LRRC4C: variants seen among roughly 807,000 people sequenced by gnomAD.
The protein encoded by LRRC4C is leucine-rich repeat-containing protein 4C.
In LRRC4C, 5 loss-of-function variants were observed where a neutral mutation model predicts 33.6. The observed-to-expected ratio is 0.15, with a 90% CI of 0.08 to 0.31. The LOEUF is 0.31. Ranked by LOEUF, LRRC4C falls within the 10% of genes least tolerant of loss-of-function variation. LRRC4C has a pLI of 1.00. For missense variants in LRRC4C, 560 were observed against 796.7 expected, an observed-to-expected ratio of 0.70 and a Z score of 3.58; for synonymous variants, 329 against 302.0, an observed-to-expected ratio of 1.09 and a Z score of -0.93.
intron 2 of LRRC4C, among the ~76,000 whole-genome samples, chr11:40,773,497 C>G (rs1301853651): frequency 1.3e-5 from 2 of 151,298 alleles, no homozygotes; most frequent in Admixed American, 6.6e-5. Context: ...ACTATGTACC[C>G]ATAAAATTAA....
chr11:40,268,641 G>A lies in LRRC4C; in HGVS notation c.-175-27043C>T, dbSNP rs185151499. Among the ~76,000 whole-genome samples the A allele has an allele frequency of 5.7e-3, 866 of 151,794 alleles. 5 individuals are homozygous for A. Among genetic ancestry groups the A allele is most frequent in the African/African-American group, 0.02 (812 of 41,356 alleles). Reference sequence around the variant, plus strand: ...ATTAGAATTTGTATAACATCAAACCGTAGCACTGGTAAAAAAAAAATCAGC... The same window carrying A: ...ATTAGAATTTGTATAACATCAAACCATAGCACTGGTAAAAAAAAAATCAGC... On this transcript the variant is annotated intron_variant, in intron 4 of 6. Coordinates refer to ENST00000528697, the MANE Select transcript of LRRC4C (RefSeq NM_001258419.2).
chr11:40,199,246 G>T (rs887461908), intron 5 of LRRC4C, among the ~76,000 whole-genome samples: 1 of 151,874 alleles, frequency 6.6e-6, no homozygotes, highest in Non-Finnish European at 1.5e-5. Flanking sequence ...GATTTTTGTA[G>T]TTTTTGTAGA....
At chr11:40,427,230 A>G (rs1393612772) in intron 3 of LRRC4C, among the ~76,000 whole-genome samples, 2 of 152,144 alleles carry the variant, frequency 1.3e-5, no homozygotes, top group African/African-American at 4.8e-5. Context: ...AGGACCGGGC[A>G]TGGTGGCTCA....
At chr11:41,333,729 C>A (rs929628033) in intron 1 of LRRC4C, among the ~76,000 whole-genome samples, 4 of 152,134 alleles carry the variant, frequency 2.6e-5, no homozygotes, top group African/African-American at 9.7e-5. Flanking sequence ...GTAGTAAAAT[C>A]TGGCTATTTT....
intron 4 of LRRC4C, among the ~76,000 whole-genome samples, chr11:40,313,634 G>A (rs1234013379): frequency 8.6e-6 from 1 of 115,886 alleles, no homozygotes; most frequent in African/African-American, 3.4e-5. Flanking sequence ...TTGAGATGGA[G>A]TCTCGCTCTA....
chr11:40,681,790 T>C (rs1269434057), intron 2 of LRRC4C, among the ~76,000 whole-genome samples: 2 of 152,104 alleles, frequency 1.3e-5, no homozygotes, highest in African/African-American at 4.8e-5. Context: ...TTAACAGCAT[T>C]TGCAATGACC....
intron 2 of LRRC4C, among the ~76,000 whole-genome samples, chr11:40,754,832 G>A (rs1948868708): frequency 6.6e-6 from 1 of 151,960 alleles, no homozygotes; most frequent in South Asian, 2.1e-4. Context: ...AAGATCAGCT[G>A]TTGAATTTTA....
chr11:41,433,001 T>C (rs117401149), intron 1 of LRRC4C, among the ~76,000 whole-genome samples: 5 of 152,282 alleles, frequency 3.3e-5, no homozygotes, highest in South Asian at 2.1e-4. Flanking sequence ...CAAAGGTGTT[T>C]GGGCTATGGC....
At chr11:40,921,189 C>G (rs1021292500) in intron 2 of LRRC4C, among the ~76,000 whole-genome samples, 1 of 152,110 alleles carries the variant, frequency 6.6e-6, no homozygotes, top group Non-Finnish European at 1.5e-5. Flanking sequence ...TCCCAAAGTG[C>G]TGGGATTACA....
At chr11:40,668,078 T>G (rs1395758241) in intron 2 of LRRC4C, among the ~76,000 whole-genome samples, 1 of 152,146 alleles carries the variant, frequency 6.6e-6, no homozygotes, top group African/African-American at 2.4e-5. Context: ...AATTGAATAA[T>G]CAGAATTTGG....
At chr11:41,159,911 C>T (rs1304989207) in intron 1 of LRRC4C, among the ~76,000 whole-genome samples, 1 of 151,958 alleles carries the variant, frequency 6.6e-6, no homozygotes, top group Non-Finnish European at 1.5e-5. Context: ...ATTATAGAGT[C>T]ATTAAAAAGA....
intron 1 of LRRC4C, among the ~76,000 whole-genome samples, chr11:41,214,786 T>A (rs993380424): frequency 6.9e-6 from 1 of 144,346 alleles, no homozygotes; most frequent in Admixed American, 7.0e-5. Flanking sequence ...CACACATATA[T>A]ATATGTGTGT....
Position 41,348,436 on chromosome 11 carries a change from A to AT in LRRC4C, c.-496+110994dup, listed in dbSNP as rs143660867. On this transcript the variant is annotated intron_variant, in intron 1 of 6. Transcript: ENST00000528697. ...AATAGAGTTGTGCTGTCTACCAGAG[A>AT]TTTAATATAATCCTGCTTTTTCAAC... Among the ~76,000 whole-genome samples, 50 of 152,248 alleles carry AT rather than the reference A, an allele frequency of 3.3e-4. No homozygotes were observed. In the East Asian group the frequency reaches 9.3e-3, roughly 28 times the overall value.
chr11:41,448,303 G>GTT (rs1564958704), intron 1 of LRRC4C, among the ~76,000 whole-genome samples: 3 of 131,436 alleles, frequency 2.3e-5, no homozygotes, highest in African/African-American at 8.5e-5. Flanking sequence ...TTTACATAGA[G>GTT]CTTTTTTTTT....
intron 5 of LRRC4C, among the ~76,000 whole-genome samples, chr11:40,236,347 T>G (rs1400644183): frequency 6.6e-6 from 1 of 152,170 alleles, no homozygotes; most frequent in Non-Finnish European, 1.5e-5. Context: ...TAACTACTCC[T>G]CTGTAATTAT....
intron 4 of LRRC4C, among the ~76,000 whole-genome samples, chr11:40,274,645 A>C (rs560327407): frequency 4.6e-5 from 7 of 152,256 alleles, no homozygotes; most frequent in Admixed American, 2.0e-4. Context: ...TCTCTTCGGC[A>C]AAGACAGTCC....
chr11:40,850,690 G>C (rs1004069517), intron 2 of LRRC4C, among the ~76,000 whole-genome samples: 1 of 152,222 alleles, frequency 6.6e-6, no homozygotes. Flanking sequence ...TTCAGAGCTG[G>C]CAGGCAGGAA....
intron 3 of LRRC4C, among the ~76,000 whole-genome samples, chr11:40,622,335 T>C (rs1447674709): frequency 6.8e-6 from 1 of 147,350 alleles, no homozygotes; most frequent in Non-Finnish European, 1.5e-5. Flanking sequence ...GGATGTGAAC[T>C]TAAAGCATAG....
chr11:41,094,621 T>C (rs1237718685), intron 1 of LRRC4C, among the ~76,000 whole-genome samples: 1 of 152,192 alleles, frequency 6.6e-6, no homozygotes, highest in Non-Finnish European at 1.5e-5. Flanking sequence ...ATATAATATT[T>C]TATGTTTCTT....
Sources: allele counts gnomAD v4.1 joint callset (sites outside exome capture counted in the v4.1 genomes callset), GRCh38; gene constraint gnomAD v4.1.1; transcripts MANE v1.5; gene names NCBI Gene and HGNC (gene_info 2026-07-23, HGNC 2026-07-21).